The following STXBP5L variants were observed in gnomAD, a reference collection of about 807,000 sequenced individuals.
The protein encoded by STXBP5L is syntaxin binding protein 5L.
STXBP5L carries 65 observed loss-of-function variants against 144.5 expected under a neutral mutation model. The observed-to-expected ratio is 0.45, with a 90% confidence interval of 0.37 to 0.55. STXBP5L has a LOEUF of 0.55. Ranked by LOEUF, STXBP5L falls within the 20% of genes least tolerant of loss-of-function variation. The pLI is 0.00. For synonymous variants in STXBP5L, 505 were observed against 469.6 expected (o/e 1.08, Z -0.97); for missense variants, 1,298 against 1,405.5 (o/e 0.92, Z 1.22).
At chr3:121,403,209 G>C (rs1352205765) in intron 22 of STXBP5L, among the ~76,000 whole-genome samples, 1 of 152,016 alleles carries the variant, frequency 6.6e-6, no homozygotes, top group Non-Finnish European at 1.5e-5. Context: ...CTTCTAACTA[G>C]GTGATTCATT....
chr3:120,931,855 A>G (rs1709959167), intron 2 of STXBP5L, among the ~76,000 whole-genome samples: 1 of 152,202 alleles, frequency 6.6e-6, no homozygotes. Flanking sequence ...TAATTGTTGG[A>G]TAACAGCTAT....
intron 3 of STXBP5L, among the ~76,000 whole-genome samples, chr3:121,029,731 T>A (rs554536795): frequency 1.8e-4 from 27 of 152,080 alleles, no homozygotes; most frequent in African/African-American, 6.3e-4. Context: ...AACTATCATC[T>A]GAGTGAACAG....
chr3:121,053,581 A>G (rs900250937), intron 5 of STXBP5L, among the ~76,000 whole-genome samples: 3 of 152,230 alleles, frequency 2.0e-5, no homozygotes, highest in Admixed American at 2.0e-4. Context: ...TTATACAAAA[A>G]TTAATTCAAG....
chr3:121,309,864 T>A (rs1260850547), intron 19 of STXBP5L, among the ~76,000 whole-genome samples: 1 of 152,186 alleles, frequency 6.6e-6, no homozygotes, highest in African/African-American at 2.4e-5. Flanking sequence ...GGATCTGGAA[T>A]AACTAAAATA....
chr3:121,174,559 C>T (rs1577117344), intron 9 of STXBP5L, among the ~76,000 whole-genome samples: 1 of 152,224 alleles, frequency 6.6e-6, no homozygotes, highest in South Asian at 2.1e-4. Flanking sequence ...AGAAACAAGA[C>T]CTGAATCTTC....
intron 19 of STXBP5L, 130 bp downstream of exon 19, chr3:121,280,086 T>G: frequency 8.8e-7 from 1 of 1,135,750 alleles, no homozygotes; most frequent in Non-Finnish European, 1.2e-6. Context: ...ATTTACAAAA[T>G]CATGTAAGTA....
At chr3:121,084,811 A>G (rs1316119000) in intron 5 of STXBP5L, among the ~76,000 whole-genome samples, 2 of 152,188 alleles carry the variant, frequency 1.3e-5, no homozygotes, top group African/African-American at 2.4e-5. Flanking sequence ...AAATGGTTGA[A>G]CTAATTTACA....
At chr3:121,045,787 G>C (rs1469972213) in intron 5 of STXBP5L, among the ~76,000 whole-genome samples, 1 of 152,034 alleles carries the variant, frequency 6.6e-6, no homozygotes, top group Non-Finnish European at 1.5e-5. Flanking sequence ...TCTATGTGTA[G>C]ACTCATATTA....
chr3:121,083,959 GT>G (rs1348675204), intron 5 of STXBP5L, among the ~76,000 whole-genome samples: 1 of 151,654 alleles, frequency 6.6e-6, no homozygotes, highest in Non-Finnish European at 1.5e-5. Context: ...TGTTTGCACT[GT>G]TTTTTCTTTT....
chr3:121,004,242 G>A (rs921250957), intron 3 of STXBP5L, among the ~76,000 whole-genome samples: 1 of 151,678 alleles, frequency 6.6e-6, no homozygotes, highest in South Asian at 2.1e-4. Flanking sequence ...GTGGTTTGTA[G>A]CTCTCCTTGA....
intron 18 of STXBP5L, among the ~76,000 whole-genome samples, chr3:121,260,455 T>C (rs919553835): frequency 3.3e-5 from 5 of 152,100 alleles, no homozygotes; most frequent in African/African-American, 1.2e-4. Context: ...TTGTGTCTTA[T>C]TTAAAAAGTC....
intron 25 of STXBP5L, among the ~76,000 whole-genome samples, chr3:121,418,050 A>G (rs760251807): frequency 1.3e-5 from 2 of 152,224 alleles, no homozygotes; most frequent in African/African-American, 2.4e-5. Flanking sequence ...ATGAAGTCAC[A>G]TATTTGAATA....
At chr3:121,399,920 A>G (rs1161236424) in intron 22 of STXBP5L, among the ~76,000 whole-genome samples, 2 of 152,218 alleles carry the variant, frequency 1.3e-5, no homozygotes, top group Admixed American at 1.3e-4. Context: ...AGCATTCATT[A>G]CAACACAGAT....
chr3:121,166,318 A>G (rs1222157718), intron 9 of STXBP5L, among the ~76,000 whole-genome samples: 1 of 152,058 alleles, frequency 6.6e-6, no homozygotes, highest in African/African-American at 2.4e-5. Context: ...ATATATTTCA[A>G]TATAATGTTT....
intron 19 of STXBP5L, among the ~76,000 whole-genome samples, chr3:121,306,441 C>A (rs1054613375): frequency 2.0e-5 from 3 of 152,146 alleles, no homozygotes; most frequent in Non-Finnish European, 4.4e-5. Flanking sequence ...CCCCATCTTG[C>A]TCATAGGGCA....
intron 7 of STXBP5L, among the ~76,000 whole-genome samples, chr3:121,146,810 G>C (rs947814345): frequency 6.6e-6 from 1 of 152,008 alleles, no homozygotes; most frequent in African/African-American, 2.4e-5. Flanking sequence ...TATGCCTAAT[G>C]ATGACATAGA....
intron 19 of STXBP5L, among the ~76,000 whole-genome samples, chr3:121,305,791 G>A (rs559632949): frequency 1.6e-4 from 25 of 151,802 alleles, no homozygotes; most frequent in Middle Eastern, 6.8e-3. Context: ...ACCTAGTAAG[G>A]ACAAAAAGCA....
At chr3:120,946,686 T>C (rs1370707428) in intron 2 of STXBP5L, among the ~76,000 whole-genome samples, 1 of 151,732 alleles carries the variant, frequency 6.6e-6, no homozygotes, top group Non-Finnish European at 1.5e-5. Flanking sequence ...AAATTCTGCT[T>C]TGCCAAAGTA....
chr3:121,121,469 CAG>C (rs889305431), intron 6 of STXBP5L, among the ~76,000 whole-genome samples, 170 bp from the exon 7 acceptor site: 13 of 151,214 alleles, frequency 8.6e-5, no homozygotes, highest in African/African-American at 2.9e-4. Flanking sequence ...AATTAGTAAA[CAG>C]AAATGCAGTT....
Sources: gnomAD v4.1 joint callset for allele counts (sites outside exome capture counted in the v4.1 genomes callset) on GRCh38, gnomAD v4.1.1 for gene constraint, MANE v1.5 for transcripts, NCBI Gene and HGNC (gene_info 2026-07-23, HGNC 2026-07-21) for gene names.